Variants in ABCC1 observed in about 807,000 individuals in gnomAD.
The protein encoded by ABCC1 is ATP binding cassette subfamily C member 1 (ABCC1 blood group), also known as multidrug resistance-associated protein 1.
In ABCC1, 83 loss-of-function variants were observed where a neutral mutation model predicts 172.9. That is an observed-to-expected ratio of 0.48 (90% CI 0.40 to 0.58). ABCC1 has a LOEUF of 0.58. Among genes scored for constraint, ABCC1 ranks in the 20% least tolerant of loss-of-function variants. ABCC1 has a pLI of 0.00. For synonymous variants in ABCC1, 937 were observed against 825.2 expected, an observed-to-expected ratio of 1.14 and a Z score of -2.32; for missense variants, 1,817 against 2,002.7, an observed-to-expected ratio of 0.91 and a Z score of 1.77.
intron 1 of ABCC1, among the ~76,000 whole-genome samples, chr16:15,981,877 T>A (rs558441742): frequency 2.6e-5 from 4 of 152,062 alleles, no homozygotes; most frequent in Non-Finnish European, 5.9e-5. Flanking sequence ...TTAAACACTT[T>A]GTTGCTTAGA....
At chr16:15,992,850 C>T (rs1183687745) in intron 1 of ABCC1, among the ~76,000 whole-genome samples, 4 of 152,186 alleles carry the variant, frequency 2.6e-5, no homozygotes, top group Non-Finnish European at 4.4e-5. Context: ...TGACTTCTCC[C>T]GCCCAATCTT....
At chr16:16,116,999 A>G (rs1177954380) in intron 23 of ABCC1, among the ~76,000 whole-genome samples, 1 of 152,140 alleles carries the variant, frequency 6.6e-6, no homozygotes, top group African/African-American at 2.4e-5. Context: ...GGACAAAGGG[A>G]TGATTCACAC....
intron 16 of ABCC1, among the ~76,000 whole-genome samples, chr16:16,082,018 A>C (rs1479593768): frequency 2.0e-5 from 3 of 152,168 alleles, no homozygotes; most frequent in Non-Finnish European, 4.4e-5. Context: ...TTCGTTTCAA[A>C]AAAAAATCTT....
chr16:16,015,060 G>T (rs961895219), intron 4 of ABCC1, among the ~76,000 whole-genome samples: 2 of 151,898 alleles, frequency 1.3e-5, no homozygotes, highest in Non-Finnish European at 2.9e-5. Flanking sequence ...CCCATCAGTT[G>T]CTGCTCTGGC....
At chr16:16,054,557 T>G (rs1182622132) in intron 11 of ABCC1, among the ~76,000 whole-genome samples, 1 of 150,730 alleles carries the variant, frequency 6.6e-6, no homozygotes, top group Non-Finnish European at 1.5e-5. Flanking sequence ...GAGATGAGTT[T>G]CAGGACATGG....
Position 16,044,686 on chromosome 16 carries a change from A to T in ABCC1, c.1040+6A>T. The T allele has an allele frequency of 6.2e-7, 1 of 1,611,652 alleles. No homozygotes were observed. Among genetic ancestry groups the T allele is most frequent in the Non-Finnish European group, 8.5e-7 (1 of 1,178,112 alleles). ...TCCGGGCCGCAGATCTTAAAGTAAGACCCCTTCCCTCCCAGGTGGGCTCCA... is the reference window on the plus strand; with the variant it reads ...TCCGGGCCGCAGATCTTAAAGTAAGTCCCCTTCCCTCCCAGGTGGGCTCCA... On this transcript the variant is annotated splice_donor_region_variant and intron_variant, in intron 8 of 30. Coordinates refer to ENST00000399410, the MANE Select transcript of ABCC1 (RefSeq NM_004996.4).
chr16:16,095,293 G>A (rs993201102), intron 19 of ABCC1: 8 of 152,344 alleles, frequency 5.3e-5, no homozygotes, highest in South Asian at 2.1e-4. Context: ...ATACCTGGAA[G>A]GTAAAACACA....
intron 26 of ABCC1, among the ~76,000 whole-genome samples, chr16:16,131,471 C>T (rs2045669552): frequency 6.6e-6 from 1 of 152,120 alleles, no homozygotes; most frequent in African/African-American, 2.4e-5. Flanking sequence ...GTGGATGGTG[C>T]AGTGGGTGTG....
chr16:16,045,758 C>G (rs1597166513), intron 8 of ABCC1, 78 bp from the exon 9 acceptor site: 1 of 1,405,004 alleles, frequency 7.1e-7, no homozygotes, highest in South Asian at 1.3e-5. Flanking sequence ...GAGAAAGTTG[C>G]AGTGCCAACA....
At chr16:16,012,701 CCTTTGAGG>C (rs2047835142) in intron 3 of ABCC1, among the ~76,000 whole-genome samples, 1 of 86,956 alleles carries the variant, frequency 1.2e-5, no homozygotes, top group African/African-American at 7.4e-5. Flanking sequence ...TTTTTTTTTT[CCTTTGAGG>C]CAGAGTTTCG....
At chr16:16,070,445 A>G (rs925322743) in intron 13 of ABCC1, among the ~76,000 whole-genome samples, 2 of 152,146 alleles carry the variant, frequency 1.3e-5, no homozygotes, top group Non-Finnish European at 2.9e-5. Context: ...TGGGCGGATC[A>G]TGAGGTCAGG....
chr16:16,024,596 C>A (rs2048308976), intron 5 of ABCC1, among the ~76,000 whole-genome samples: 1 of 152,070 alleles, frequency 6.6e-6, no homozygotes, highest in African/African-American at 2.4e-5. Context: ...CAAGTGATGC[C>A]CTGCCTTGGC....
intron 1 of ABCC1, among the ~76,000 whole-genome samples, chr16:15,976,763 T>C (rs2046502733): frequency 6.6e-6 from 1 of 152,202 alleles, no homozygotes. Context: ...ACTCAACCCC[T>C]AACGAGTATT....
chr16:16,000,800 G>A (rs1025360780), intron 1 of ABCC1, among the ~76,000 whole-genome samples: 16 of 152,116 alleles, frequency 1.1e-4, no homozygotes, highest in African/African-American at 3.4e-4. Flanking sequence ...GGAAATTGAC[G>A]GTGGACAAGT....
Position 16,076,386 on chromosome 16 carries a change from C to T in ABCC1, c.1973C>T (p.Pro658Leu), listed in dbSNP as rs2050571924. 2 of 1,609,530 alleles carry T rather than the reference C, an allele frequency of 1.2e-6. No homozygotes were observed. The highest frequency in any genetic ancestry group is 8.5e-7 in the Non-Finnish European group (1 of 1,178,158). The change falls in exon 15 of 31, where the codon CCT becomes CTT. Residue 658 changes from proline (P) to leucine (L), a missense_variant. Physicochemically the swap from Pro to Leu is moderately conservative, Grantham distance 98 (BLOSUM62 -3). Transcript: ENST00000399410. The part of the protein sequence containing the change: ...NATFTWARSD[P>L]PTLNGITFSI... ...ACATTCACCTGGGCCAGGAGCGACC[C>T]TCCCACACTGAATGGGTAAGCCGGG...
chr16:16,106,698 G>C (rs371207597), intron 20 of ABCC1, 40 bp from the exon 21 acceptor site: 4 of 1,612,368 alleles, frequency 2.5e-6, no homozygotes, highest in Non-Finnish European at 3.4e-6. Context: ...CCTGCCCAAG[G>C]CATCTGTACG....
At chr16:16,141,052 G>A in intron 30 of ABCC1, 121 bp from the exon 31 acceptor site, 1 of 763,784 alleles carries the variant, frequency 1.3e-6, no homozygotes. Flanking sequence ...TACTGCACCA[G>A]TCCTAGCAAA....
intron 12 of ABCC1, among the ~76,000 whole-genome samples, chr16:16,065,130 T>C (rs2050063911): frequency 6.6e-6 from 1 of 151,652 alleles, no homozygotes; most frequent in African/African-American, 2.4e-5. Context: ...ACAGTGGGAG[T>C]GAGGGGAGAG....
chr16:16,102,982 A>G (rs2269800), intron 20 of ABCC1, among the ~76,000 whole-genome samples: 21,448 of 152,130 alleles, frequency 0.14, 1,624 homozygotes, highest in East Asian at 0.27. Flanking sequence ...GGCTCCCTAC[A>G]TGGTGTGGGT....
Sources: gnomAD v4.1 joint callset for allele counts (sites outside exome capture counted in the v4.1 genomes callset) on GRCh38, gnomAD v4.1.1 for gene constraint, MANE v1.5 for transcripts, NCBI Gene and HGNC (gene_info 2026-07-23, HGNC 2026-07-21) for gene names.